The following CCNB3 variants were observed in gnomAD, a reference collection of about 807,000 sequenced individuals.
CCNB3 encodes the protein G2/mitotic-specific cyclin-B3.
Under a neutral mutation model 68.0 loss-of-function variants are expected in CCNB3, and 12 were observed. The observed-to-expected ratio is 0.18, with a 90% CI of 0.11 to 0.29. The LOEUF (loss-of-function observed/expected upper bound fraction) is 0.29, where lower values mean the gene tolerates loss of function less well. Ranked by LOEUF, CCNB3 falls within the 10% of genes least tolerant of loss-of-function variation. The probability of loss-of-function intolerance (pLI) is 1.00; values close to 1 mark genes in which losing one functional copy is unlikely to be tolerated. For missense variants in CCNB3, 904 were observed against 993.1 expected (o/e 0.91, Z 1.21); for synonymous variants, 354 against 388.9 (o/e 0.91, Z 1.06).
Position 50,321,666 on chromosome X carries a change from A to G in CCNB3, c.3516+7718A>G, listed in dbSNP as rs142285478. Among the ~76,000 whole-genome samples, 39 of 111,399 alleles carry G rather than the reference A, an allele frequency of 3.5e-4. 2 individuals carry two copies. The East Asian group carries it at 0.011, about 30-fold the overall frequency. Reference sequence around the variant, plus strand: ...TTATATATTATTTGTCTACTCTAACATCAGTAGCATGCTGTTTTATTATTA... The same window carrying G: ...TTATATATTATTTGTCTACTCTAACGTCAGTAGCATGCTGTTTTATTATTA... On this transcript the variant is annotated intron_variant, in intron 8 of 12. Transcript: ENST00000376042.
intron 10 of CCNB3, among the ~76,000 whole-genome samples, chrX:50,347,147 A>AG (rs1226491195): frequency 1.8e-5 from 2 of 111,794 alleles, no homozygotes; most frequent in Admixed American, 9.5e-5. Context: ...ATTGGTTACA[A>AG]GGGAGGTCAC....
intron 1 of CCNB3, among the ~76,000 whole-genome samples, chrX:50,226,015 T>A (rs1935752511): frequency 1.1e-5 from 1 of 93,046 alleles, no homozygotes; most frequent in African/African-American, 3.9e-5. Context: ...ATATAGAATA[T>A]ATACAAAAAT....
intron 4 of CCNB3, among the ~76,000 whole-genome samples, chrX:50,291,313 A>AT (rs1286412792): frequency 1.5e-4 from 17 of 110,493 alleles, no homozygotes; most frequent in African/African-American, 3.6e-4. Flanking sequence ...TATTTTATTT[A>AT]TTTTTTTTGA....
At chrX:50,316,631 C>G (rs1192960375) in intron 8 of CCNB3, among the ~76,000 whole-genome samples, 1 of 111,875 alleles carries the variant, frequency 8.9e-6, no homozygotes, top group African/African-American at 3.2e-5. Context: ...ACCTTCCACC[C>G]CTAACTCCTG....
Position 50,310,493 on chromosome X carries a change from A to C in CCNB3, c.2324A>C (p.Glu775Ala). 8.3e-7 allele frequency: 1 copy of C among 1,210,121 alleles called. No individual in the cohort carries two copies. Among genetic ancestry groups the C allele is most frequent in the East Asian group, 3.0e-5 (1 of 33,761 alleles). Residue 775 changes from glutamate (E) to alanine (A), a missense_variant, in exon 6 of 13, where the codon GAG becomes GCG. Physicochemically the swap from Glu to Ala is moderately radical, Grantham distance 107. Transcript: ENST00000376042. ...GCTTTGAATGAGACCATCAATGAAG[A>C]GGAGTTCCTTAATAAGCAGCCACTG... ...QLALNETINE[E>A]EFLNKQPLAL...
chrX:50,298,020 G>A (rs1179629444), intron 5 of CCNB3, among the ~76,000 whole-genome samples: 1 of 111,704 alleles, frequency 9.0e-6, no homozygotes, highest in African/African-American at 3.3e-5. Context: ...ATTAGCTTAA[G>A]GAGATTTTGG....
chrX:50,209,387 A>G (rs1236546764), intron 1 of CCNB3, among the ~76,000 whole-genome samples: 1 of 109,792 alleles, frequency 9.1e-6, no homozygotes, highest in Non-Finnish European at 1.9e-5. Flanking sequence ...ATGGTATCTC[A>G]CTCTGTCACC....
intron 1 of CCNB3, among the ~76,000 whole-genome samples, chrX:50,222,559 GA>G (rs1935688960): frequency 9.0e-6 from 1 of 111,579 alleles, no homozygotes; most frequent in African/African-American, 3.3e-5. Flanking sequence ...ATTCTGGGTT[GA>G]AAATTATTTT....
chrX:50,314,044 G>A, intron 8 of CCNB3, 96 bp downstream of exon 8: 1 of 583,167 alleles, frequency 1.7e-6, no homozygotes. Flanking sequence ...TGGGTCTATA[G>A]AGTTGAATAA....
At chrX:50,346,014 G>A (rs1306270118) in intron 9 of CCNB3, among the ~76,000 whole-genome samples, 2 of 112,073 alleles carry the variant, frequency 1.8e-5, no homozygotes, top group African/African-American at 3.2e-5. Flanking sequence ...ACCTCCAGAG[G>A]GCAGAGCCCT....
At chrX:50,337,348 G>A (rs782590594) in intron 8 of CCNB3, among the ~76,000 whole-genome samples, 4 of 110,707 alleles carry the variant, frequency 3.6e-5, no homozygotes, top group African/African-American at 6.6e-5. Context: ...TTTTGGTGCC[G>A]ACTTCCCTCG....
chrX:50,204,928 A>C lies in CCNB3; in HGVS notation c.-135A>C, dbSNP rs1198041630. On this transcript the variant is annotated 5_prime_UTR_variant, in exon 1 of 13. Coordinates refer to ENST00000376042, the MANE Select transcript of CCNB3 (RefSeq NM_033031.3). The stretch of plus-strand genomic sequence containing the variant: ...ACATTCTGCTAATAGCTTTTCTTCC[A>C]GTCCATTTGTGGCTTGTTAAAGGTA... The C allele has an allele frequency of 3.6e-5, 4 of 111,014 alleles. No individual in the cohort carries two copies. The highest frequency in any genetic ancestry group is 5.7e-5 in the Non-Finnish European group (3 of 53,084). 9.1% of individuals were successfully genotyped at this position (111,014 alleles called of 1,213,427 possible).
At chrX:50,346,344 G>T (rs962022657) in intron 9 of CCNB3, among the ~76,000 whole-genome samples, 14 of 112,097 alleles carry the variant, frequency 1.2e-4, no homozygotes, top group African/African-American at 3.9e-4. Flanking sequence ...TTCTCAGAGG[G>T]CAGATGGCTG....
chrX:50,326,056 A>G (rs1249204392), intron 8 of CCNB3, among the ~76,000 whole-genome samples: 2 of 111,753 alleles, frequency 1.8e-5, no homozygotes, highest in Admixed American at 9.5e-5. Context: ...CTTGATTTTT[A>G]GGAATAAGTC....
chrX:50,287,601 A>G (rs1557209522), intron 3 of CCNB3, among the ~76,000 whole-genome samples: 1 of 112,133 alleles, frequency 8.9e-6, no homozygotes, highest in Non-Finnish European at 1.9e-5. Flanking sequence ...TTACTTGTCC[A>G]AGGTCAACAG....
At position 50,310,765 on chromosome X, in the gene CCNB3, C is replaced by T; in HGVS notation, c.2596C>T (p.Pro866Ser). The T allele has an allele frequency of 8.3e-7, 1 of 1,211,290 alleles. No individual in the cohort carries two copies. The highest frequency in any genetic ancestry group is 1.8e-5 in the South Asian group (1 of 56,895). The part of the protein sequence containing the change: ...FKETLALQEK[P>S]SIEQEALFKR... Reference sequence around the variant, plus strand: ...GGAAACTTTGGCCTTGCAGGAGAAGCCCAGCATTGAGCAGGAGGCCCTCTT... The same window carrying T: ...GGAAACTTTGGCCTTGCAGGAGAAGTCCAGCATTGAGCAGGAGGCCCTCTT... Residue 866 changes from proline (P) to serine (S), a missense_variant, in exon 6 of 13, where the codon CCC (proline) becomes TCC (serine). Physicochemically the swap from Pro to Ser is moderately conservative, Grantham distance 74. Coordinates refer to ENST00000376042, the MANE Select transcript of CCNB3 (RefSeq NM_033031.3).
At chrX:50,217,180 TTTCTA>T (rs1382754714) in intron 1 of CCNB3, among the ~76,000 whole-genome samples, 1 of 109,679 alleles carries the variant, frequency 9.1e-6, no homozygotes. Context: ...ATTTGTAAAT[TTTCTA>T]TTCTATTGGG....
intron 11 of CCNB3, among the ~76,000 whole-genome samples, chrX:50,350,761 T>TC (rs1923637279): frequency 9.2e-6 from 1 of 109,272 alleles, no homozygotes; most frequent in African/African-American, 3.4e-5. Context: ...AGTGGTGCGA[T>TC]CATAGTTCAC....
At chrX:50,225,846 C>A (rs1423224768) in intron 1 of CCNB3, among the ~76,000 whole-genome samples, 2 of 105,112 alleles carry the variant, frequency 1.9e-5, no homozygotes, top group African/African-American at 6.9e-5. Flanking sequence ...ATTAGACATC[C>A]AAGTGGAGAT....
Sources: allele counts gnomAD v4.1 joint callset (sites outside exome capture counted in the v4.1 genomes callset), GRCh38; gene constraint gnomAD v4.1.1; transcripts MANE v1.5; gene names NCBI Gene and HGNC (gene_info 2026-07-23, HGNC 2026-07-21).